The following FAT2 variants were observed in gnomAD, a reference collection of about 807,000 sequenced individuals.
FAT2 encodes protocadherin Fat 2.
In FAT2, 150 loss-of-function variants were observed where a neutral mutation model predicts 295.3. The observed-to-expected ratio is 0.51, with a 90% CI of 0.44 to 0.58. The LOEUF (loss-of-function observed/expected upper bound fraction) is 0.58. Among genes scored for constraint, FAT2 ranks in the 20% least tolerant of loss-of-function variants. The probability of loss-of-function intolerance (pLI) is 0.00; values close to 1 mark genes in which losing one functional copy is unlikely to be tolerated. For missense variants in FAT2, 4,868 were observed against 5,442.7 expected (o/e 0.89, Z 3.32); for synonymous variants, 2,026 against 2,150.3 (o/e 0.94, Z 1.60).
intron 22 of FAT2, among the ~76,000 whole-genome samples, chr5:151,508,060 G>A (rs551407964): frequency 6.6e-6 from 1 of 152,170 alleles, no homozygotes; most frequent in South Asian, 2.1e-4. Flanking sequence ...GTCCTGCACA[G>A]ATCAGCCACC....
chr5:151,527,596 A>C (rs1754153227), intron 16 of FAT2, among the ~76,000 whole-genome samples: 1 of 152,142 alleles, frequency 6.6e-6, no homozygotes, highest in Non-Finnish European at 1.5e-5. Flanking sequence ...AGACCTTGGG[A>C]AAGTGAATGA....
chr5:151,553,484 C>G, intron 5 of FAT2, 97 bp from the exon 6 acceptor site: 1 of 1,032,514 alleles, frequency 9.7e-7, no homozygotes. Flanking sequence ...TGATTCTGAC[C>G]AAGCAGGCCT....
Position 151,512,467 on chromosome 5 carries a change from A to G in FAT2, c.11603T>C (p.Val3868Ala). Residue 3868 changes from valine (V) to alanine (A), a missense_variant, in exon 21 of 24, where the codon GTT (valine) becomes GCT (alanine). Transcript: ENST00000261800. This position sits in a 1 kb window ranked among gnomAD's most constrained non-coding sequence, Gnocchi z 4.1. ...AAGGGAGGTGTTGCCCATGCTGTCAACCATCAGGCGAATGGAAGCGTCCAT... is the reference window on the plus strand; with the variant it reads ...AAGGGAGGTGTTGCCCATGCTGTCAGCCATCAGGCGAATGGAAGCGTCCAT... ...EEMDASIRLM[V>A]DSMGNTSLVV... 6.2e-7 allele frequency: 1 copy of G among 1,614,206 alleles called. No homozygotes were observed. The highest frequency in any genetic ancestry group is 1.3e-5 in the African/African-American group (1 of 75,048).
rs1436983617 is a variant in FAT2 at position 151,544,741 on chromosome 5, T to A, written c.6386A>T (p.Lys2129Ile). The A allele has an allele frequency of 3.1e-5, 50 of 1,614,074 alleles. No homozygotes were observed. The highest frequency in any genetic ancestry group is 4.2e-5 in the Non-Finnish European group (50 of 1,180,044). Reference sequence around the variant, plus strand: ...ATTTAAAGCTTGATAATCAAAGGGTTTCTTGAGTGATATGTCCCCAAGATA... The same window carrying A: ...ATTTAAAGCTTGATAATCAAAGGGTATCTTGAGTGATATGTCCCCAAGATA... ...DPYLGDISLK[K>I]PFDYQALNKY... The change falls in exon 10 of 24, where the codon AAA becomes ATA. Residue 2129 changes from lysine (K) to isoleucine (I), a missense_variant. Physicochemically the swap from Lys to Ile is moderately radical, Grantham distance 102. Transcript: ENST00000261800.
intron 22 of FAT2, 96 bp from the exon 23 acceptor site, chr5:151,507,707 A>C (rs1581264044): frequency 1.7e-6 from 2 of 1,145,708 alleles, no homozygotes; most frequent in African/African-American, 3.1e-5. Flanking sequence ...GCTCCCCCCA[A>C]AACCTACCAT....
Position 151,561,484 on chromosome 5 carries a change from A to G in FAT2, c.3574+1841T>C, listed in dbSNP as rs1292884665. On this transcript the variant is annotated intron_variant, in intron 3 of 23. Coordinates refer to ENST00000261800, the MANE Select transcript of FAT2 (RefSeq NM_001447.3). ...TGGGTCACTGTAGCCTCAACCTCCCAGGCTCAAGCCATCTTGCTACCTCAG... is the reference window on the plus strand; with the variant it reads ...TGGGTCACTGTAGCCTCAACCTCCCGGGCTCAAGCCATCTTGCTACCTCAG... Among the ~76,000 whole-genome samples the G allele has an allele frequency of 3.3e-5, 5 of 152,158 alleles. No homozygotes were observed. In the East Asian group the frequency reaches 9.7e-4, roughly 29 times the overall value.
Position 151,536,048 on chromosome 5 carries a change from A to T in FAT2, c.9194-1406T>A, listed in dbSNP as rs1337053179. On this transcript the variant is annotated intron_variant, in intron 12 of 23. Coordinates refer to ENST00000261800, the MANE Select transcript of FAT2 (RefSeq NM_001447.3). ...TTACAAATAGTATTCTACTTTCATG[A>T]AGTAATTATATAGAGATTTTGGAGA... Among the ~76,000 whole-genome samples, 3 of 152,194 alleles carry T rather than the reference A, an allele frequency of 2.0e-5. No homozygotes were observed. In the East Asian group the frequency reaches 5.8e-4, roughly 29 times the overall value.
intron 7 of FAT2, 88 bp downstream of exon 7, chr5:151,551,379 A>G (rs1290605217): frequency 1.4e-6 from 2 of 1,386,440 alleles, no homozygotes; most frequent in Non-Finnish European, 2.0e-6. Flanking sequence ...GGAACACCAC[A>G]TCCACAGAAA....
rs751181591 is a variant in FAT2 at position 151,512,303 on chromosome 5, G to A, written c.11767C>T (p.Leu3923=). 2.5e-6 allele frequency: 4 copies of A among 1,614,130 alleles called. No homozygotes were observed. In the Admixed American group the frequency reaches 6.7e-5, roughly 27 times the overall value. Residue 3923 remains leucine (L), a synonymous_variant, in exon 21 of 24, where the codon CTA becomes TTA. Transcript: ENST00000261800. This position sits in a 1 kb window ranked among gnomAD's most constrained non-coding sequence, Gnocchi z 4.1. ...LDAVVVNEEA[L]DLLAPGKTVA... is the part of the protein sequence containing the mutation. Reference sequence around the variant, plus strand: ...GTCTTGCCAGGGGCCAGCAGATCTAGAGCCTCTTCGTTGACCACGACAGCA... The same window carrying A: ...GTCTTGCCAGGGGCCAGCAGATCTAAAGCCTCTTCGTTGACCACGACAGCA...
In FAT2 at chr5:151,543,962, T is replaced by C. The variant is rs1345979220; in HGVS notation, c.7165A>G (p.Ser2389Gly). The change falls in exon 10 of 24, where the codon AGT (serine) becomes GGT (glycine). Residue 2389 changes from serine (S) to glycine (G), a missense_variant. By Grantham distance (56) the Ser-to-Gly change is moderately conservative. This residue lies in a region of FAT2 where 3,297 missense variants were observed against 3,669.4 expected (regional missense o/e 0.90). Coordinates refer to ENST00000261800, the MANE Select transcript of FAT2 (RefSeq NM_001447.3). ...AGGTGTCCACAGGTTGCCAGTTCAC[T>C]GACATTGGCTTCATATTGAGGTTGT... ...FRQPQYEANV[S>G]ELATCGHLVL... 6.2e-7 allele frequency: 1 copy of C among 1,614,162 alleles called. No individual in the cohort carries two copies. The highest frequency in any genetic ancestry group is 8.5e-7 in the Non-Finnish European group (1 of 1,180,034).
intron 1 of FAT2, among the ~76,000 whole-genome samples, chr5:151,572,880 C>A (rs764823385): frequency 6.6e-5 from 10 of 152,184 alleles, no homozygotes; most frequent in Non-Finnish European, 7.3e-5. Flanking sequence ...CGGGAAGCTG[C>A]GAGCAGGCAC....
chr5:151,512,468 C>T lies in FAT2; in HGVS notation c.11602G>A (p.Val3868Ile). The T allele has an allele frequency of 1.2e-6, 2 of 1,614,212 alleles. No homozygotes were observed. Among genetic ancestry groups the T allele is most frequent in the Non-Finnish European group, 1.7e-6 (2 of 1,180,036 alleles). ...AGGGAGGTGTTGCCCATGCTGTCAA[C>T]CATCAGGCGAATGGAAGCGTCCATC... ...EEMDASIRLM[V>I]DSMGNTSLVV... The change falls in exon 21 of 24, where the codon GTT becomes ATT. Residue 3868 changes from valine (V) to isoleucine (I), a missense_variant. Val to Ile is a conservative substitution (Grantham distance 29). This residue lies in a region of FAT2 where 1,046 missense variants were observed against 1,210.1 expected (regional missense o/e 0.86). Transcript: ENST00000261800. The surrounding 1 kb of genome is among the most constrained non-coding windows in gnomAD (Gnocchi z 4.1).
In FAT2 at chr5:151,554,586, T is replaced by C. The variant is rs1321196440; in HGVS notation, c.3721A>G (p.Ile1241Val). The part of the protein sequence containing the change: ...GILDVNDNPP[I>V]FSHKLFNVRL... The stretch of plus-strand genomic sequence containing the variant: ...ACATTGAAGAGCTTGTGGGAGAATA[T>C]AGGTGGATTGTCATTGACGTCCAAG... Residue 1241 changes from isoleucine (I) to valine (V), a missense_variant, in exon 5 of 24, where the codon ATA (isoleucine) becomes GTA (valine). This residue lies in a region of FAT2 where 3,297 missense variants were observed against 3,669.4 expected (regional missense o/e 0.90). Coordinates refer to ENST00000261800, the MANE Select transcript of FAT2 (RefSeq NM_001447.3). The C allele has an allele frequency of 1.2e-6, 2 of 1,614,146 alleles. No homozygotes were observed. Among genetic ancestry groups the C allele is most frequent in the Admixed American group, 1.7e-5 (1 of 60,014 alleles).
rs371022124 is a variant in FAT2, at chr5:151,567,141, T to C, written c.1791A>G (p.Leu597=). 1.2e-6 allele frequency: 2 copies of C among 1,614,192 alleles called. No individual in the cohort carries two copies. The highest frequency in any genetic ancestry group is 2.2e-5 in the East Asian group (1 of 44,880). Residue 597 remains leucine (L), a synonymous_variant, in exon 2 of 24, where the codon CTA becomes CTG. Coordinates refer to ENST00000261800, the MANE Select transcript of FAT2 (RefSeq NM_001447.3). The part of the protein sequence containing the change: ...SAIDVDELQN[L]KYEIVSGNEL... ...CATTGCCTGATACAATCTCGTATTT[T>C]AGGTTCTGAAGCTCATCCACATCTA... is the stretch of plus-strand genomic sequence containing the variant.
At chr5:151,578,721 TCC>T in intron 1 of FAT2, among the ~76,000 whole-genome samples, 1 of 152,240 alleles carries the variant, frequency 6.6e-6, no homozygotes, top group East Asian at 1.9e-4. Flanking sequence ...ACCGTAAATG[TCC>T]ATCAGTAGAT....
Position 151,505,533 on chromosome 5 carries a change from C to T in FAT2, c.*32G>A, listed in dbSNP as rs770177356. 1 of 1,612,924 alleles carries T rather than the reference C, an allele frequency of 6.2e-7. No individual in the cohort carries two copies. Among genetic ancestry groups the T allele is most frequent in the Admixed American group, 1.7e-5 (1 of 59,624 alleles). On this transcript the variant is annotated 3_prime_UTR_variant, in exon 24 of 24. Coordinates refer to ENST00000261800, the MANE Select transcript of FAT2 (RefSeq NM_001447.3). The stretch of plus-strand genomic sequence containing the variant: ...GAAATAAGCCAAGTCCAGTCCTTGG[C>T]CTCCCGCCTGCCTTGCTCTGGGAAT...
chr5:151,535,208 T>G (rs1755135932), intron 12 of FAT2, among the ~76,000 whole-genome samples: 1 of 151,860 alleles, frequency 6.6e-6, no homozygotes, highest in South Asian at 2.1e-4. Flanking sequence ...CTCCTGCCCG[T>G]AACTCCCACA....
chr5:151,554,730 G>T, intron 4 of FAT2, 57 bp from the exon 5 acceptor site: 1 of 1,337,690 alleles, frequency 7.5e-7, no homozygotes, highest in Non-Finnish European at 1.0e-6. Context: ...TAGTGACTAT[G>T]CTTTAACAAC....
At position 151,542,401 on chromosome 5, in the gene FAT2, T is replaced by C. The variant is rs764933690; in HGVS notation, c.8726A>G (p.Glu2909Gly). 6.2e-7 allele frequency: 1 copy of C among 1,614,142 alleles called. No individual in the cohort carries two copies. The highest frequency in any genetic ancestry group is 8.5e-7 in the Non-Finnish European group (1 of 1,180,032). ...CTCAACCACAGATCCTCTGTACTCT[T>C]CAGAAGCAAATCGGGGAGCATTGTC... is the stretch of plus-strand genomic sequence containing the variant. ...ENDNAPRFAS[E>G]EYRGSVVENS... Residue 2909 changes from glutamate (E) to glycine (G), a missense_variant, in exon 10 of 24, where the codon GAA (glutamate) becomes GGA (glycine). By Grantham distance (98) the Glu-to-Gly change is moderately conservative. This residue lies in a region of FAT2 where 3,297 missense variants were observed against 3,669.4 expected (regional missense o/e 0.90). Transcript: ENST00000261800.
Sources: allele counts gnomAD v4.1 joint callset (sites outside exome capture counted in the v4.1 genomes callset), GRCh38; gene constraint gnomAD v4.1.1; regional missense constraint gnomAD v4.1.1; non-coding constraint Gnocchi (gnomAD v3.1); transcripts MANE v1.5; gene names NCBI Gene and HGNC (gene_info 2026-07-23, HGNC 2026-07-21).